SLC7A5: variants seen among roughly 807,000 people sequenced by gnomAD.
SLC7A5 encodes solute carrier family 7 member 5, also known as large neutral amino acids transporter small subunit 1.
A neutral mutation model predicts 50.2 loss-of-function variants in SLC7A5; 23 were observed. The observed-to-expected ratio is 0.46, with a 90% CI of 0.33 to 0.65. The LOEUF (loss-of-function observed/expected upper bound fraction) is 0.65, where lower values mean the gene tolerates loss of function less well. Among genes scored for constraint, SLC7A5 ranks in the 30% least tolerant of loss-of-function variants. SLC7A5 has a pLI of 0.02. For synonymous variants in SLC7A5, 393 were observed against 330.6 expected (o/e 1.19, Z -2.05); for missense variants, 578 against 684.4 (o/e 0.84, Z 1.73).
intron 1 of SLC7A5, chr16:87,863,619 C>A (rs971020501): frequency 1.3e-5 from 2 of 152,080 alleles, no homozygotes; most frequent in African/African-American, 4.8e-5. Context: ...CGCACCAACA[C>A]GAAGACACGC....
chr16:87,869,477 T>C lies in SLC7A5; in HGVS notation c.-55A>G, dbSNP rs1467730007. ...CCGGGAGCCGCGGCCCAGCGAGCAG[T>C]GTGCGCGCCGCCCGCCGCCCGCAGC... On this transcript the variant is annotated 5_prime_UTR_variant, in exon 1 of 10. Transcript: ENST00000261622. The C allele has an allele frequency of 3.7e-5, 43 of 1,176,884 alleles. No homozygotes were observed. The South Asian group carries it at 4.2e-4, about 11-fold the overall frequency. 72.9% of individuals were successfully genotyped at this position (1,176,884 alleles called of 1,614,324 possible).
intron 1 of SLC7A5, among the ~76,000 whole-genome samples, chr16:87,855,878 A>G (rs1367236555): frequency 2.0e-5 from 3 of 152,180 alleles, no homozygotes; most frequent in African/African-American, 7.2e-5. Flanking sequence ...TACCAGGTAC[A>G]GGAGCATCCG....
At chr16:87,843,116 A>G (rs1054470525) in intron 2 of SLC7A5, among the ~76,000 whole-genome samples, 7 of 152,064 alleles carry the variant, frequency 4.6e-5, no homozygotes, top group African/African-American at 1.7e-4. Context: ...CACGTGCCCC[A>G]TTCACTGTGA....
chr16:87,832,822 G>A lies in SLC7A5; in HGVS notation c.*148C>T. 2.8e-6 allele frequency: 2 copies of A among 716,724 alleles called. No individual in the cohort carries two copies. The highest frequency in any genetic ancestry group is 3.5e-5 in the Admixed American group (2 of 56,442). The allele number at this position is 716,724 out of a possible 1,614,324, so 44.4% of individuals were successfully genotyped here. On this transcript the variant is annotated 3_prime_UTR_variant, in exon 10 of 10. Transcript: ENST00000261622. The surrounding 1 kb of genome is among the most constrained non-coding windows in gnomAD (Gnocchi z 4.6). ...GATTCGTACCAGAGTTTTCACAGCAGCCTCCACTGCCCGACCTGGGAGGGA... is the reference window on the plus strand; with the variant it reads ...GATTCGTACCAGAGTTTTCACAGCAACCTCCACTGCCCGACCTGGGAGGGA...
At position 87,861,537 on chromosome 16, in the gene SLC7A5, G is replaced by A. The variant is rs1274975003; in HGVS notation, c.538+7348C>T. Among the ~76,000 whole-genome samples, 1 of 152,162 alleles carries A rather than the reference G, an allele frequency of 6.6e-6. No homozygotes were observed. The highest frequency in any genetic ancestry group is 1.5e-5 in the Non-Finnish European group (1 of 68,022). On this transcript the variant is annotated intron_variant, in intron 1 of 9. Transcript: ENST00000261622. This position sits in a 1 kb window ranked among gnomAD's most constrained non-coding sequence, Gnocchi z 4.2. Reference sequence around the variant, plus strand: ...CAGCTGTAAATTGGGGATTATCACTGGCTTCAAAGGCTGGAGTGCAAAGTG... The same window carrying A: ...CAGCTGTAAATTGGGGATTATCACTAGCTTCAAAGGCTGGAGTGCAAAGTG...
At chr16:87,836,083 G>A (rs2054999273) in intron 8 of SLC7A5, among the ~76,000 whole-genome samples, 1 of 152,230 alleles carries the variant, frequency 6.6e-6, no homozygotes, top group Non-Finnish European at 1.5e-5. Context: ...GGAGAGTCCA[G>A]GAGAGTCCAG....
chr16:87,852,286 C>T lies in SLC7A5; in HGVS notation c.539-437G>A, dbSNP rs902665896. Among the ~76,000 whole-genome samples, 8 of 152,310 alleles carry T rather than the reference C, an allele frequency of 5.3e-5. No individual in the cohort carries two copies. Among genetic ancestry groups the T allele is most frequent in the Admixed American group, 4.6e-4 (7 of 15,314 alleles). ...TGAGACCCACGCACAGCCCGACTGC[C>T]GGACTCCATGAGGGCGGGGCCCTTT... On this transcript the variant is annotated intron_variant, in intron 1 of 9. Transcript: ENST00000261622. The surrounding 1 kb of genome is among the most constrained non-coding windows in gnomAD (Gnocchi z 4.5).
rs1317650371 is a variant in SLC7A5 at position 87,861,282 on chromosome 16, C to A, written c.538+7603G>T. ...AGAAGGGTGGAGGAGCGCAAAGGGC[C>A]CCTAGGGGATGCTGGGGAACACAGA... is the stretch of plus-strand genomic sequence containing the variant. On this transcript the variant is annotated intron_variant, in intron 1 of 9. Coordinates refer to ENST00000261622, the MANE Select transcript of SLC7A5 (RefSeq NM_003486.7). This position sits in a 1 kb window ranked among gnomAD's most constrained non-coding sequence, Gnocchi z 4.2. 6.6e-6 allele frequency among the ~76,000 whole-genome samples: 1 copy of A among 152,060 alleles called. No homozygotes were observed. The highest frequency in any genetic ancestry group is 2.4e-5 in the African/African-American group (1 of 41,400).
chr16:87,832,787 T>G lies in SLC7A5; in HGVS notation c.*183A>C, dbSNP rs2054949058. ...CACACCTGGGTCCCTGGCCCTCAGT[T>G]GAGGGATGAGATTCGTACCAGAGTT... On this transcript the variant is annotated 3_prime_UTR_variant, in exon 10 of 10. Coordinates refer to ENST00000261622, the MANE Select transcript of SLC7A5 (RefSeq NM_003486.7). This position sits in a 1 kb window ranked among gnomAD's most constrained non-coding sequence, Gnocchi z 4.6. The G allele has an allele frequency of 3.1e-6, 2 of 637,740 alleles. No homozygotes were observed. The highest frequency in any genetic ancestry group is 5.8e-6 in the Non-Finnish European group (2 of 344,308). 39.5% of individuals were successfully genotyped at this position (637,740 alleles called of 1,614,324 possible).
intron 2 of SLC7A5, among the ~76,000 whole-genome samples, chr16:87,847,925 G>A (rs966880580): frequency 5.3e-5 from 8 of 152,192 alleles, no homozygotes; most frequent in Admixed American, 2.6e-4. Context: ...ACACGGGACC[G>A]TCCAGAAGTG....
intron 5 of SLC7A5, 23 bp from the exon 6 acceptor site, chr16:87,838,840 C>A (rs1385487942): frequency 6.3e-7 from 1 of 1,587,760 alleles, no homozygotes; most frequent in Non-Finnish European, 8.6e-7. Flanking sequence ...AACCAGTGAG[C>A]TGGGCCCCAC....
rs527737576 is a variant in SLC7A5, at chr16:87,830,207, G to A, written c.*2763C>T. 7.2e-5 allele frequency: 11 copies of A among 152,376 alleles called. No homozygotes were observed. In the East Asian group the frequency reaches 7.7e-4, roughly 11 times the overall value. 9.4% of individuals were successfully genotyped at this position (152,376 alleles called of 1,614,324 possible). A position where few individuals can be genotyped will look rare whatever the true frequency, so the allele number is the denominator to read the frequency against. On this transcript the variant is annotated 3_prime_UTR_variant, in exon 10 of 10. Transcript: ENST00000261622. The stretch of plus-strand genomic sequence containing the variant: ...CCGACGTCACAGTGGATGGCCCTGC[G>A]TGGCTGGGACACAGACAGGGAGCAG...
Position 87,845,695 on chromosome 16 carries a change from G to A in SLC7A5, c.665-4540C>T, listed in dbSNP as rs374859474. ...CACTTTTGGACCACCAGCAGTGTCTGTCGGTCTTGGAAACTCATGAAGGAG... is the reference window on the plus strand; with the variant it reads ...CACTTTTGGACCACCAGCAGTGTCTATCGGTCTTGGAAACTCATGAAGGAG... On this transcript the variant is annotated intron_variant, in intron 2 of 9. Coordinates refer to ENST00000261622, the MANE Select transcript of SLC7A5 (RefSeq NM_003486.7). Among the ~76,000 whole-genome samples, 41 of 152,358 alleles carry A rather than the reference G, an allele frequency of 2.7e-4. No homozygotes were observed. The East Asian group carries it at 4.8e-3, about 18-fold the overall frequency.
At chr16:87,845,711 C>T (rs1016760874) in intron 2 of SLC7A5, among the ~76,000 whole-genome samples, 21 of 152,226 alleles carry the variant, frequency 1.4e-4, no homozygotes, top group Non-Finnish European at 3.1e-4. Context: ...CTTGGAAACT[C>T]ATGAAGGAGT....
intron 3 of SLC7A5, 130 bp from the exon 4 acceptor site, chr16:87,840,603 A>G (rs2055071462): frequency 3.8e-6 from 3 of 791,014 alleles, no homozygotes; most frequent in Non-Finnish European, 6.7e-6. Context: ...TGGAAAGCGG[A>G]CCTGGAGTGG....
At chr16:87,843,850 C>T (rs59039721) in intron 2 of SLC7A5, among the ~76,000 whole-genome samples, 2 of 152,320 alleles carry the variant, frequency 1.3e-5, no homozygotes, top group African/African-American at 4.8e-5. Flanking sequence ...AAGGCATCAG[C>T]CACGAGCCTC....
chr16:87,864,718 C>T (rs1267382864), intron 1 of SLC7A5, among the ~76,000 whole-genome samples: 1 of 152,258 alleles, frequency 6.6e-6, no homozygotes, highest in African/African-American at 2.4e-5. Flanking sequence ...TAAACAGTTG[C>T]TACTTGGCCC....
intron 4 of SLC7A5, 152 bp downstream of exon 4, chr16:87,840,277 C>T (rs930895872): frequency 8.2e-6 from 6 of 729,500 alleles, no homozygotes; most frequent in African/African-American, 1.8e-5. Context: ...CAGAAGCCAC[C>T]CGCCCCACAT....
chr16:87,844,800 A>G (rs2055129781), intron 2 of SLC7A5, among the ~76,000 whole-genome samples: 1 of 151,720 alleles, frequency 6.6e-6, no homozygotes, highest in African/African-American at 2.4e-5. Flanking sequence ...CCTTCCAACC[A>G]CTCTGGCCCC....
Sources: allele counts gnomAD v4.1 joint callset (sites outside exome capture counted in the v4.1 genomes callset), GRCh38; gene constraint gnomAD v4.1.1; non-coding constraint Gnocchi (gnomAD v3.1); transcripts MANE v1.5; gene names NCBI Gene and HGNC (gene_info 2026-07-23, HGNC 2026-07-21).